Variants in STOM observed in about 807,000 individuals in gnomAD.
STOM encodes the protein erythrocyte band 7 integral membrane protein.
In STOM, 25 loss-of-function variants were observed where a neutral mutation model predicts 30.6. That is an observed-to-expected ratio of 0.82 (90% CI 0.60 to 1.14). The LOEUF (loss-of-function observed/expected upper bound fraction) is 1.14, where lower values mean the gene tolerates loss of function less well. STOM is among the 50% of genes most tolerant of loss of function. STOM has a pLI of 0.00. For missense variants in STOM, 292 were observed against 365.2 expected (o/e 0.80, Z 1.63); for synonymous variants, 118 against 130.8 (o/e 0.90, Z 0.67).
chr9:121,341,442 G>A lies in STOM; in HGVS notation c.661-34C>T, dbSNP rs1203946152. Reference sequence around the variant, plus strand: ...AGGTGAAAGGAGGGGTTGAACTGGAGAAAACCTCATGGGGACACACAGCAC... The same window carrying A: ...AGGTGAAAGGAGGGGTTGAACTGGAAAAAACCTCATGGGGACACACAGCAC... On this transcript the variant is annotated intron_variant, in intron 6 of 6. Transcript: ENST00000286713. The A allele has an allele frequency of 3.1e-6, 5 of 1,611,596 alleles. No homozygotes were observed. The South Asian group carries it at 5.5e-5, about 18-fold the overall frequency.
chr9:121,363,587 G>A (rs1028686242), intron 1 of STOM, among the ~76,000 whole-genome samples: 13 of 152,108 alleles, frequency 8.5e-5, no homozygotes, highest in African/African-American at 3.1e-4. Flanking sequence ...AAAACTTATG[G>A]ACATAAATCT....
chr9:121,370,115 C>T lies in STOM; in HGVS notation c.61+12G>A, dbSNP rs1463762515. The stretch of plus-strand genomic sequence containing the variant: ...CGGTCCACGGGGGAGGGTCAGGGGA[C>T]GCGGGACTCACCCTTGAAGGAGTCG... On this transcript the variant is annotated intron_variant, in intron 1 of 6. Coordinates refer to ENST00000286713, the MANE Select transcript of STOM (RefSeq NM_004099.6). 3 of 1,538,434 alleles carry T rather than the reference C, an allele frequency of 2.0e-6. No homozygotes were observed. Among genetic ancestry groups the T allele is most frequent in the South Asian group, 1.2e-5 (1 of 83,822 alleles).
At chr9:121,366,257 C>G (rs2064502180) in intron 1 of STOM, 1 of 985,062 alleles carries the variant, frequency 1.0e-6, no homozygotes, top group Admixed American at 6.2e-5. Flanking sequence ...TTTAGTAGTC[C>G]CAGCAGACAG....
intron 1 of STOM, among the ~76,000 whole-genome samples, chr9:121,367,187 G>C (rs547454709): frequency 6.6e-6 from 1 of 150,788 alleles, no homozygotes; most frequent in Non-Finnish European, 1.5e-5. Context: ...CCAGGCAGAC[G>C]CAGGGAAAGG....
chr9:121,355,387 CAAA>C (rs36030273), intron 2 of STOM, among the ~76,000 whole-genome samples: 2 of 96,036 alleles, frequency 2.1e-5, no homozygotes, highest in Admixed American at 1.0e-4. Flanking sequence ...GGCTCTGGCT[CAAA>C]AAAAAAAAAA....
Position 121,341,165 on chromosome 9 carries a change from C to T in STOM, c.*37G>A, listed in dbSNP as rs111816973. ...ATGAGTTAAAGGCTAATTTGGTCCC[C>T]GACTTCATGCTTGGAAGGCTAGCGC... is the stretch of plus-strand genomic sequence containing the variant. On this transcript the variant is annotated 3_prime_UTR_variant, in exon 7 of 7. Coordinates refer to ENST00000286713, the MANE Select transcript of STOM (RefSeq NM_004099.6). 6.1e-4 allele frequency: 978 copies of T among 1,612,796 alleles called. No homozygotes were observed. The highest frequency in any genetic ancestry group is 2.1e-3 in the Admixed American group (124 of 59,994).
intron 4 of STOM, among the ~76,000 whole-genome samples, chr9:121,352,395 C>T (rs1009114916): frequency 1.3e-5 from 2 of 152,166 alleles, no homozygotes; most frequent in African/African-American, 4.8e-5. Context: ...TTTAAATCAT[C>T]TCTAGATTAC....
At position 121,339,890 on chromosome 9, in the gene STOM, C is replaced by G. The variant is rs563727450; in HGVS notation, c.*1312G>C. The G allele has an allele frequency of 8.0e-6, 9 of 1,123,828 alleles. No individual in the cohort carries two copies. The African/African-American group carries it at 1.5e-4, about 18-fold the overall frequency. 69.6% of individuals were successfully genotyped at this position (1,123,828 alleles called of 1,614,324 possible). A position where few individuals can be genotyped will look rare whatever the true frequency, so the allele number is the denominator to read the frequency against. On this transcript the variant is annotated 3_prime_UTR_variant, in exon 7 of 7. Coordinates refer to ENST00000286713, the MANE Select transcript of STOM (RefSeq NM_004099.6). ...AGTATCTGCCCAAGATCATTAGACA[C>G]TATATAGTCAATATACTGTGAATTC...
chr9:121,353,076 G>A (rs1478002999), intron 4 of STOM, 144 bp downstream of exon 4: 1 of 376,718 alleles, frequency 2.7e-6, no homozygotes, highest in East Asian at 4.6e-5. Flanking sequence ...CTGGGTGACA[G>A]AGCAAGATTC....
chr9:121,341,341 T>A lies in STOM; in HGVS notation c.728A>T (p.Glu243Val), dbSNP rs1225226725. ...TCGGAGCTGAAGGGCTGCAGGAGAT[T>A]CAGTGATGACCATGGAGGCTTCTTT... is the stretch of plus-strand genomic sequence containing the variant. ...ALKEASMVITESPAALQLRYL... is the reference protein window; with the variant it reads ...ALKEASMVITVSPAALQLRYL... Residue 243 changes from glutamate to valine, a missense_variant, in exon 7 of 7, where the codon GAA (glutamate) becomes GTA (valine). Glu to Val is a moderately radical substitution (Grantham distance 121). Transcript: ENST00000286713. 2 of 1,614,098 alleles carry A rather than the reference T, an allele frequency of 1.2e-6. No individual in the cohort carries two copies. The highest frequency in any genetic ancestry group is 2.2e-5 in the East Asian group (1 of 44,874).
At chr9:121,355,743 G>A (rs555110807) in intron 2 of STOM, among the ~76,000 whole-genome samples, 3 of 152,292 alleles carry the variant, frequency 2.0e-5, no homozygotes, top group Non-Finnish European at 4.4e-5. Flanking sequence ...AAAGCCAGCA[G>A]TCAAACCCTA....
At chr9:121,357,042 G>C (rs937604443) in intron 1 of STOM, among the ~76,000 whole-genome samples, 18 of 152,138 alleles carry the variant, frequency 1.2e-4, no homozygotes, top group African/African-American at 3.1e-4. Context: ...TTTTAGCTAG[G>C]AGTACAGTAC....
At chr9:121,360,099 G>A (rs1231125921) in intron 1 of STOM, among the ~76,000 whole-genome samples, 1 of 152,106 alleles carries the variant, frequency 6.6e-6, no homozygotes, top group Non-Finnish European at 1.5e-5. Context: ...ACTCCCTGAG[G>A]GCAGGGATGT....
intron 5 of STOM, among the ~76,000 whole-genome samples, chr9:121,348,894 A>G (rs1390053968): frequency 6.6e-6 from 1 of 152,182 alleles, no homozygotes; most frequent in Non-Finnish European, 1.5e-5. Context: ...AAAAAAATAC[A>G]CACTGAAGAA....
In STOM at chr9:121,341,178, G is replaced by C. The variant is rs1404157488; in HGVS notation, c.*24C>G. 1 of 1,613,064 alleles carries C rather than the reference G, an allele frequency of 6.2e-7. No individual in the cohort carries two copies. Among genetic ancestry groups the C allele is most frequent in the Non-Finnish European group, 8.5e-7 (1 of 1,179,232 alleles). On this transcript the variant is annotated 3_prime_UTR_variant, in exon 7 of 7. Transcript: ENST00000286713. The stretch of plus-strand genomic sequence containing the variant: ...TAATTTGGTCCCCGACTTCATGCTT[G>C]GAAGGCTAGCGCTCATCTCTACACT...
At chr9:121,361,785 T>TC (rs1404130209) in intron 1 of STOM, among the ~76,000 whole-genome samples, 1 of 152,140 alleles carries the variant, frequency 6.6e-6, no homozygotes, top group Non-Finnish European at 1.5e-5. Context: ...AGAGCAATGG[T>TC]CCCCAACCTT....
intron 3 of STOM, among the ~76,000 whole-genome samples, 162 bp downstream of exon 3, chr9:121,354,439 G>A (rs1176901146): frequency 6.6e-6 from 1 of 151,994 alleles, no homozygotes; most frequent in Non-Finnish European, 1.5e-5. Context: ...ATGATTGCTT[G>A]AGGTCAGGAG....
intron 5 of STOM, 30 bp from the exon 6 acceptor site, chr9:121,348,179 C>T (rs745379462): frequency 4.3e-6 from 7 of 1,612,772 alleles, no homozygotes; most frequent in Non-Finnish European, 4.2e-6. Flanking sequence ...CAAGCTAAAT[C>T]TCCTCAGCCC....
chr9:121,369,756 G>A (rs10985224), intron 1 of STOM: 13,671 of 247,180 alleles, frequency 0.055, 467 homozygotes, highest in Middle Eastern at 0.1. Flanking sequence ...AAGGGGAGTG[G>A]GCAAAGGGTG....
Sources: allele counts gnomAD v4.1 joint callset (sites outside exome capture counted in the v4.1 genomes callset), GRCh38; gene constraint gnomAD v4.1.1; transcripts MANE v1.5; gene names NCBI Gene and HGNC (gene_info 2026-07-23, HGNC 2026-07-21).